The following ERN1 variants were observed in gnomAD, a reference collection of about 807,000 sequenced individuals.
The protein encoded by ERN1 is serine/threonine-protein kinase/endoribonuclease IRE1.
A neutral mutation model predicts 113.1 loss-of-function variants in ERN1; 39 were observed. The ratio of observed to expected loss-of-function variants is 0.34; its 90% CI spans 0.27 to 0.45. ERN1 has a LOEUF of 0.45. Ranked by LOEUF, ERN1 falls within the 20% of genes least tolerant of loss-of-function variation. The probability of loss-of-function intolerance (pLI) is 1.00; values close to 1 mark genes in which losing one functional copy is unlikely to be tolerated. For missense variants in ERN1, 976 were observed against 1,274.8 expected (o/e 0.77, Z 3.57); for synonymous variants, 507 against 515.9 (o/e 0.98, Z 0.23).
intron 1 of ERN1, among the ~76,000 whole-genome samples, chr17:64,111,095 G>A (rs1598086533): frequency 6.6e-6 from 1 of 152,140 alleles, no homozygotes; most frequent in Admixed American, 6.5e-5. Context: ...AGGGAAAAAT[G>A]GCTGTCCCAG....
intron 5 of ERN1, among the ~76,000 whole-genome samples, chr17:64,074,374 G>A (rs1913522427): frequency 6.6e-6 from 1 of 152,136 alleles, no homozygotes; most frequent in African/African-American, 2.4e-5. Context: ...CCAGGTCACG[G>A]CCCACAGAGA....
intron 5 of ERN1, among the ~76,000 whole-genome samples, chr17:64,074,773 G>C (rs1340390489): frequency 6.6e-6 from 1 of 152,210 alleles, no homozygotes; most frequent in Non-Finnish European, 1.5e-5. Flanking sequence ...ATTAAGTGCT[G>C]TTCTATCAAA....
intron 1 of ERN1, among the ~76,000 whole-genome samples, chr17:64,123,819 A>C (rs1184783663): frequency 2.0e-5 from 3 of 152,220 alleles, no homozygotes; most frequent in African/African-American, 4.8e-5. Flanking sequence ...TCAATATCTA[A>C]ATGATTGAGT....
intron 12 of ERN1, 133 bp from the exon 13 acceptor site, chr17:64,056,081 G>C (rs762709463): frequency 3.6e-6 from 5 of 1,370,182 alleles, no homozygotes; most frequent in Non-Finnish European, 4.8e-6. Flanking sequence ...AAAGAGACCA[G>C]TGAGAAGGCA....
At chr17:64,081,911 A>G (rs1210478450) in intron 2 of ERN1, among the ~76,000 whole-genome samples, 6 of 152,158 alleles carry the variant, frequency 3.9e-5, no homozygotes, top group African/African-American at 9.7e-5. Flanking sequence ...GACAGATCCA[A>G]AAGTCCGCAG....
intron 1 of ERN1, among the ~76,000 whole-genome samples, chr17:64,112,089 C>T (rs138827371): frequency 1.5e-3 from 231 of 152,100 alleles, no homozygotes; most frequent in African/African-American, 5.4e-3. Context: ...AAGCAGTGGC[C>T]GGGAGCAGTG....
At chr17:64,110,564 G>A (rs949184229) in intron 1 of ERN1, among the ~76,000 whole-genome samples, 4 of 152,124 alleles carry the variant, frequency 2.6e-5, no homozygotes, top group Admixed American at 6.6e-5. Flanking sequence ...CCAAGGAAAC[G>A]CGCATTACTG....
intron 1 of ERN1, among the ~76,000 whole-genome samples, chr17:64,101,755 A>C (rs1914390678): frequency 6.6e-6 from 1 of 152,214 alleles, no homozygotes; most frequent in African/African-American, 2.4e-5. Context: ...CAAGAATAAG[A>C]AGAGTTTGCT....
Position 64,129,988 on chromosome 17 carries a change from C to A in ERN1, c.42G>T (p.Leu14=). ...CCCGGTCACTCACCCCGAGGCCGGG[C>A]AGCAGCAGCGTCAGCAGCAGCAGCA... ...RRLLLLLTLL[L]PGLGIFGSTS... Residue 14 remains leucine, a synonymous_variant, in exon 1 of 22, where the codon CTG becomes CTT. Transcript: ENST00000433197. The A allele has an allele frequency of 6.9e-7, 1 of 1,448,736 alleles. No individual in the cohort carries two copies. Among genetic ancestry groups the A allele is most frequent in the Non-Finnish European group, 9.0e-7 (1 of 1,106,600 alleles). The allele number at this position is 1,448,736 out of a possible 1,614,324, so 89.7% of individuals were successfully genotyped here. A position where few individuals can be genotyped will look rare whatever the true frequency, so the allele number is the denominator to read the frequency against.
Position 64,126,432 on chromosome 17 carries a change from C to T in ERN1, c.54+3544G>A, listed in dbSNP as rs565977844. Among the ~76,000 whole-genome samples the T allele has an allele frequency of 2.0e-5, 3 of 152,180 alleles. No individual in the cohort carries two copies. The South Asian group carries it at 6.2e-4, about 32-fold the overall frequency. On this transcript the variant is annotated intron_variant, in intron 1 of 21. Coordinates refer to ENST00000433197, the MANE Select transcript of ERN1 (RefSeq NM_001433.5). ...AATCTGGGGCAGGCAAATAATGAAA[C>T]CCTCAGACCTATGCAAGTGACACTA... is the stretch of plus-strand genomic sequence containing the variant.
At chr17:64,066,595 A>G in intron 8 of ERN1, 76 bp downstream of exon 8, 1 of 1,557,774 alleles carries the variant, frequency 6.4e-7, no homozygotes. Flanking sequence ...CCTCCCGTGC[A>G]GGGCCTGCTA....
Position 64,042,665 on chromosome 17 carries a change from A to G in ERN1, c.*1323T>C, listed in dbSNP as rs940458508. On this transcript the variant is annotated 3_prime_UTR_variant, in exon 22 of 22. Coordinates refer to ENST00000433197, the MANE Select transcript of ERN1 (RefSeq NM_001433.5). ...GTTTTGACTGAAACTAAAGCTAAAA[A>G]TTATGTTAAGTTTAGAAAAAAAAAT... is the stretch of plus-strand genomic sequence containing the variant. The G allele has an allele frequency of 6.6e-6, 1 of 152,064 alleles. No individual in the cohort carries two copies. Among genetic ancestry groups the G allele is most frequent in the South Asian group, 2.1e-4 (1 of 4,828 alleles). The allele number at this position is 152,064 out of a possible 1,614,324, so 9.4% of individuals were successfully genotyped here. A position where few individuals can be genotyped will look rare whatever the true frequency, so the allele number is the denominator to read the frequency against.
intron 2 of ERN1, among the ~76,000 whole-genome samples, chr17:64,097,381 G>C (rs1278394236): frequency 2.0e-5 from 3 of 152,264 alleles, no homozygotes; most frequent in Admixed American, 2.0e-4. Context: ...GAGTCACAGA[G>C]TAGTGACGAA....
rs201112710 is a variant in ERN1 at position 64,068,052 on chromosome 17, C to G, written c.580+138G>C. The G allele has an allele frequency of 4.5e-4, 283 of 633,858 alleles. 4 individuals are homozygous for G. The East Asian group carries it at 6.7e-3, about 15-fold the overall frequency. 39.3% of individuals were successfully genotyped at this position (633,858 alleles called of 1,614,324 possible). A position where few individuals can be genotyped will look rare whatever the true frequency, so the allele number is the denominator to read the frequency against. ...GACTGTGGGAAGTATTTATGATAAGCCCATGAAAAGTCCATGGAAAGAAAG... is the reference window on the plus strand; with the variant it reads ...GACTGTGGGAAGTATTTATGATAAGGCCATGAAAAGTCCATGGAAAGAAAG... On this transcript the variant is annotated intron_variant, in intron 7 of 21. Coordinates refer to ENST00000433197, the MANE Select transcript of ERN1 (RefSeq NM_001433.5).
chr17:64,077,853 T>C (rs1424569962), intron 4 of ERN1, among the ~76,000 whole-genome samples: 5 of 151,972 alleles, frequency 3.3e-5, no homozygotes, highest in African/African-American at 1.2e-4. Context: ...TCACGCCATT[T>C]TCCTGCCTCA....
At chr17:64,112,779 G>A (rs147437982) in intron 1 of ERN1, among the ~76,000 whole-genome samples, 26 of 152,296 alleles carry the variant, frequency 1.7e-4, no homozygotes, top group Non-Finnish European at 3.2e-4. Flanking sequence ...TGCCCTATGC[G>A]TCTCTTCATC....
intron 18 of ERN1, 58 bp from the exon 19 acceptor site, chr17:64,048,043 C>T (rs1232063178): frequency 4.0e-6 from 6 of 1,494,142 alleles, no homozygotes; most frequent in Non-Finnish European, 5.4e-6. Context: ...CAGTGAAATA[C>T]CAAAAACTTT....
In ERN1 at chr17:64,063,716, C is replaced by G. The variant is rs567600294; in HGVS notation, c.1087+270G>C. On this transcript the variant is annotated intron_variant, in intron 10 of 21. Coordinates refer to ENST00000433197, the MANE Select transcript of ERN1 (RefSeq NM_001433.5). This position sits in a 1 kb window ranked among gnomAD's most constrained non-coding sequence, Gnocchi z 5.1. The stretch of plus-strand genomic sequence containing the variant: ...GAGTGAGGAAATGCATTCTAAAGGG[C>G]TTAATGTCGGATACTCACACAAGGT... 9.8e-5 allele frequency among the ~76,000 whole-genome samples: 15 copies of G among 152,332 alleles called. No individual in the cohort carries two copies. Among genetic ancestry groups the G allele is most frequent in the African/African-American group, 3.6e-4 (15 of 41,564 alleles).
rs1913123039 is a variant in ERN1, at chr17:64,063,709, T to C, written c.1087+277A>G. Among the ~76,000 whole-genome samples, 1 of 152,202 alleles carries C rather than the reference T, an allele frequency of 6.6e-6. No individual in the cohort carries two copies. Among genetic ancestry groups the C allele is most frequent in the Admixed American group, 6.5e-5 (1 of 15,280 alleles). ...CTGTGAGGAGTGAGGAAATGCATTC[T>C]AAAGGGCTTAATGTCGGATACTCAC... On this transcript the variant is annotated intron_variant, in intron 10 of 21. Coordinates refer to ENST00000433197, the MANE Select transcript of ERN1 (RefSeq NM_001433.5). The surrounding 1 kb of genome is among the most constrained non-coding windows in gnomAD (Gnocchi z 5.1).
Sources: gnomAD v4.1 joint callset for allele counts (sites outside exome capture counted in the v4.1 genomes callset) on GRCh38, gnomAD v4.1.1 for gene constraint, Gnocchi (gnomAD v3.1) non-coding constraint, MANE v1.5 for transcripts, NCBI Gene and HGNC (gene_info 2026-07-23, HGNC 2026-07-21) for gene names.